AGFG1: variants seen among roughly 807,000 people sequenced by gnomAD.
AGFG1 encodes the protein arf-GAP domain and FG repeat-containing protein 1.
Under a neutral mutation model 60.6 loss-of-function variants are expected in AGFG1, and 10 were observed. That is an observed-to-expected ratio of 0.16 (90% CI 0.10 to 0.28). The LOEUF is 0.28. AGFG1 is among the 10% of genes least tolerant of loss of function. The pLI is 1.00. For synonymous variants in AGFG1, 247 were observed against 242.9 expected, an observed-to-expected ratio of 1.02 and a Z score of -0.16; for missense variants, 537 against 676.5, an observed-to-expected ratio of 0.79 and a Z score of 2.29.
At chr2:227,490,493 G>A (rs1007116608) in intron 1 of AGFG1, among the ~76,000 whole-genome samples, 2 of 151,788 alleles carry the variant, frequency 1.3e-5, no homozygotes, top group Admixed American at 1.3e-4. Flanking sequence ...CAGGAGAATG[G>A]CGTGAACCCG....
intron 1 of AGFG1, among the ~76,000 whole-genome samples, chr2:227,478,074 C>T (rs1398641602): frequency 4.6e-5 from 7 of 151,688 alleles, no homozygotes; most frequent in Non-Finnish European, 7.4e-5. Context: ...ATGATGGTGC[C>T]GTTCCAACAG....
At position 227,472,164 on chromosome 2, in the gene AGFG1, G is replaced by A. The variant is rs932217747; in HGVS notation, c.-258G>A. The A allele has an allele frequency of 6.4e-6, 1 of 156,138 alleles. No individual in the cohort carries two copies. Among genetic ancestry groups the A allele is most frequent in the African/African-American group, 2.4e-5 (1 of 41,520 alleles). 9.7% of individuals were successfully genotyped at this position (156,138 alleles called of 1,614,324 possible). On this transcript the variant is annotated 5_prime_UTR_variant, in exon 1 of 13. Coordinates refer to ENST00000310078, the MANE Select transcript of AGFG1 (RefSeq NM_004504.5). ...CCCCTTCCTCGTCTTTTCCCCTCAG[G>A]AGAAGTCGGGAAGGTGGCGGCGGCG...
rs1354657772 is a variant in AGFG1 at position 227,552,052 on chromosome 2, A to G, written c.1472A>G (p.Gln491Arg). 2 of 1,614,154 alleles carry G rather than the reference A, an allele frequency of 1.2e-6. No individual in the cohort carries two copies. The highest frequency in any genetic ancestry group is 3.3e-5 in the Admixed American group (2 of 60,028). Residue 491 changes from glutamine (Q) to arginine (R), a missense_variant, in exon 11 of 13, where the codon CAG becomes CGG. Around this residue, in one of 4 missense-constraint regions of AGFG1, gnomAD observed 287 missense variants for 343.6 expected, o/e 0.84. Transcript: ENST00000310078. ...CCCACCAGCTTTAGTGGCAGCTTTCAGCAGCCTGCCTTTCCAGCCCAAGCA... is the reference window on the plus strand; with the variant it reads ...CCCACCAGCTTTAGTGGCAGCTTTCGGCAGCCTGCCTTTCCAGCCCAAGCA... ...SLPTSFSGSFQQPAFPAQAAF... is the reference protein window; with the variant it reads ...SLPTSFSGSFRQPAFPAQAAF...
chr2:227,544,487 T>G (rs958014669), intron 10 of AGFG1, among the ~76,000 whole-genome samples: 3 of 152,220 alleles, frequency 2.0e-5, no homozygotes, highest in African/African-American at 7.2e-5. Flanking sequence ...ATGTGTGAAT[T>G]TGATCCTGTC....
intron 10 of AGFG1, among the ~76,000 whole-genome samples, chr2:227,545,048 A>G (rs1368355395): frequency 7.9e-5 from 12 of 152,172 alleles, no homozygotes; most frequent in Admixed American, 7.9e-4. Flanking sequence ...TATCCTGCAG[A>G]GTGTTTTCCA....
At chr2:227,535,700 A>G (rs762342093) in intron 8 of AGFG1, among the ~76,000 whole-genome samples, 6 of 152,170 alleles carry the variant, frequency 3.9e-5, no homozygotes, top group Non-Finnish European at 8.8e-5. Flanking sequence ...TGTATTTACT[A>G]ATTTCTTTAG....
At chr2:227,536,577 C>CTT in intron 8 of AGFG1, 48 bp from the exon 9 acceptor site, 14 of 1,311,298 alleles carry the variant, frequency 1.1e-5, no homozygotes, top group African/African-American at 1.5e-5. Context: ...TCGTTACTTT[C>CTT]TTTTTTTTTT....
intron 10 of AGFG1, among the ~76,000 whole-genome samples, chr2:227,541,403 T>G (rs1692489263): frequency 6.6e-6 from 1 of 152,244 alleles, no homozygotes; most frequent in Non-Finnish European, 1.5e-5. Context: ...AATTTCAGCT[T>G]TCTACATGTG....
At chr2:227,479,373 A>T (rs890763181) in intron 1 of AGFG1, among the ~76,000 whole-genome samples, 2 of 152,232 alleles carry the variant, frequency 1.3e-5, no homozygotes, top group African/African-American at 4.8e-5. Flanking sequence ...AAGTGGATAA[A>T]ATACAGTTTA....
In AGFG1 at chr2:227,532,300, T is replaced by A. The variant is rs528177919; in HGVS notation, c.814+1090T>A. The A allele has an allele frequency of 1.7e-5, 16 of 933,940 alleles. No individual in the cohort carries two copies. The African/African-American group carries it at 2.4e-4, about 14-fold the overall frequency. 57.9% of individuals were successfully genotyped at this position (933,940 alleles called of 1,614,324 possible). On this transcript the variant is annotated intron_variant, in intron 6 of 12. Transcript: ENST00000310078. ...TTTCCAGTTATAGATTGTTAATAAT[T>A]CTTTAGTGATAATCCTTCATAAAAA...
chr2:227,491,747 G>A, intron 2 of AGFG1, 107 bp downstream of exon 2: 1 of 585,112 alleles, frequency 1.7e-6, no homozygotes, highest in Non-Finnish European at 2.9e-6. Flanking sequence ...GTCTAAATAA[G>A]TTATTTTTGT....
At chr2:227,523,293 A>G (rs1238096194) in intron 3 of AGFG1, among the ~76,000 whole-genome samples, 2 of 152,148 alleles carry the variant, frequency 1.3e-5, no homozygotes, top group African/African-American at 4.8e-5. Flanking sequence ...TTAAAATGGG[A>G]TGATCTTATT....
chr2:227,537,141 A>G (rs1692338345), intron 10 of AGFG1, 148 bp downstream of exon 10: 3 of 620,438 alleles, frequency 4.8e-6, no homozygotes, highest in East Asian at 2.8e-5. Context: ...GACAAATTCT[A>G]GCTGAAAGTT....
intron 2 of AGFG1, among the ~76,000 whole-genome samples, chr2:227,502,230 T>G (rs1691179339): frequency 6.6e-6 from 1 of 152,208 alleles, no homozygotes; most frequent in Admixed American, 6.5e-5. Context: ...AAGTATTGGC[T>G]TCTATTCTAT....
At chr2:227,548,720 G>A (rs1484677100) in intron 10 of AGFG1, among the ~76,000 whole-genome samples, 6 of 152,128 alleles carry the variant, frequency 3.9e-5, no homozygotes, top group Non-Finnish European at 8.8e-5. Flanking sequence ...GGCGGATCAC[G>A]AGGTCAGGAG....
intron 3 of AGFG1, among the ~76,000 whole-genome samples, chr2:227,523,499 A>G (rs1295521210): frequency 6.6e-6 from 1 of 152,190 alleles, no homozygotes; most frequent in African/African-American, 2.4e-5. Context: ...TGTACTTAAT[A>G]TCTTAGAAAA....
chr2:227,483,618 T>G (rs1032663046), intron 1 of AGFG1, among the ~76,000 whole-genome samples: 1 of 152,218 alleles, frequency 6.6e-6, no homozygotes, highest in African/African-American at 2.4e-5. Context: ...CATATTATCT[T>G]TAAGATTAAT....
intron 2 of AGFG1, among the ~76,000 whole-genome samples, chr2:227,498,183 A>G (rs1468139964): frequency 1.3e-5 from 2 of 152,168 alleles, no homozygotes; most frequent in Non-Finnish European, 2.9e-5. Context: ...TAACTTGCCC[A>G]AGATCGTGCT....
intron 10 of AGFG1, among the ~76,000 whole-genome samples, chr2:227,549,717 C>T (rs747695215): frequency 5.3e-5 from 8 of 152,190 alleles, no homozygotes; most frequent in Non-Finnish European, 8.8e-5. Flanking sequence ...CTATGAATAG[C>T]GTATTTAGAT....
Sources: gnomAD v4.1 joint callset for allele counts (sites outside exome capture counted in the v4.1 genomes callset) on GRCh38, gnomAD v4.1.1 for gene constraint, gnomAD v4.1.1 regional missense constraint, MANE v1.5 for transcripts, NCBI Gene and HGNC (gene_info 2026-07-23, HGNC 2026-07-21) for gene names.